Variants in PUM3 observed in about 807,000 individuals in gnomAD.
PUM3 encodes the protein pumilio homolog 3.
Under a neutral mutation model 84.0 loss-of-function variants are expected in PUM3, and 91 were observed. That is an observed-to-expected ratio of 1.08 (90% CI 0.91 to 1.29). The LOEUF (loss-of-function observed/expected upper bound fraction) is 1.29, where lower values mean the gene tolerates loss of function less well. Among genes scored for constraint, PUM3 ranks in the 50% most tolerant of loss-of-function variants. PUM3 has a pLI of 0.00. For synonymous variants in PUM3, 321 were observed against 266.7 expected (o/e 1.20, Z -1.98); for missense variants, 1,067 against 767.5 (o/e 1.39, Z -4.61).
intron 8 of PUM3, among the ~76,000 whole-genome samples, 157 bp from the exon 9 acceptor site, chr9:2,828,935 A>C (rs1815899456): frequency 6.6e-6 from 1 of 152,248 alleles, no homozygotes; most frequent in Non-Finnish European, 1.5e-5. Flanking sequence ...CTTGTGGAGT[A>C]ACCTGATTAG....
chr9:2,821,400 C>T (rs1450252277), intron 12 of PUM3, among the ~76,000 whole-genome samples: 2 of 137,678 alleles, frequency 1.5e-5, no homozygotes, highest in South Asian at 2.4e-4. Context: ...GCCCAGATCG[C>T]GCCACGGCAC....
At chr9:2,828,586 A>C in intron 9 of PUM3, 89 bp downstream of exon 9, 3 of 771,592 alleles carry the variant, frequency 3.9e-6, no homozygotes, top group Non-Finnish European at 6.7e-6. Flanking sequence ...GTAAGCAGGA[A>C]ATAGCTACCT....
chr9:2,805,939 C>T (rs923252905), intron 17 of PUM3, among the ~76,000 whole-genome samples: 2 of 152,136 alleles, frequency 1.3e-5, no homozygotes, highest in African/African-American at 4.8e-5. Flanking sequence ...ACTTTTCAGC[C>T]AACATACAAG....
chr9:2,825,809 A>T (rs955238270), intron 10 of PUM3, among the ~76,000 whole-genome samples: 1 of 152,138 alleles, frequency 6.6e-6, no homozygotes, highest in Non-Finnish European at 1.5e-5. Context: ...GGCATGTAGG[A>T]TGTAAATGAG....
In PUM3 at chr9:2,831,235, A is replaced by C. The variant is rs746769439; in HGVS notation, c.610+16T>G. ...TATTGCAAATGATAACATAATCTTT[A>C]GTATGTAATAAATACCTCGCAATTC... On this transcript the variant is annotated intron_variant, in intron 6 of 17. Coordinates refer to ENST00000397885, the MANE Select transcript of PUM3 (RefSeq NM_014878.5). 1.4e-6 allele frequency: 2 copies of C among 1,462,512 alleles called. No individual in the cohort carries two copies. Among genetic ancestry groups the C allele is most frequent in the Non-Finnish European group, 1.9e-6 (2 of 1,048,406 alleles). 90.6% of individuals were successfully genotyped at this position (1,462,512 alleles called of 1,614,324 possible).
intron 13 of PUM3, among the ~76,000 whole-genome samples, chr9:2,816,638 T>C (rs1448369616): frequency 6.6e-6 from 1 of 152,186 alleles, no homozygotes; most frequent in Non-Finnish European, 1.5e-5. Context: ...CGCCATTTCC[T>C]ACAGTCCCTC....
At chr9:2,826,749 T>G (rs1273200733) in intron 10 of PUM3, among the ~76,000 whole-genome samples, 4 of 152,172 alleles carry the variant, frequency 2.6e-5, no homozygotes. Context: ...CACAGTTGAA[T>G]TTAAAACTAT....
At chr9:2,827,004 G>A in intron 10 of PUM3, 69 bp downstream of exon 10, 1 of 1,175,578 alleles carries the variant, frequency 8.5e-7, no homozygotes, top group Non-Finnish European at 1.2e-6. Flanking sequence ...GTACATCAAA[G>A]CAGTTTTTCA....
chr9:2,808,221 T>C (rs1174404454), intron 16 of PUM3, among the ~76,000 whole-genome samples: 1 of 152,236 alleles, frequency 6.6e-6, no homozygotes, highest in Non-Finnish European at 1.5e-5. Flanking sequence ...TGATTTAACT[T>C]TGACCTGAAA....
intron 13 of PUM3, among the ~76,000 whole-genome samples, chr9:2,817,056 T>A (rs968377087): frequency 6.6e-6 from 1 of 152,222 alleles, no homozygotes; most frequent in African/African-American, 2.4e-5. Flanking sequence ...TGCAGCAAAT[T>A]TGGCAGCCCA....
chr9:2,805,137 T>G (rs1298053048), intron 17 of PUM3, among the ~76,000 whole-genome samples: 1 of 152,180 alleles, frequency 6.6e-6, no homozygotes, highest in Admixed American at 6.5e-5. Context: ...GAGTCCACCT[T>G]CCACCTCACA....
chr9:2,818,913 CAA>C (rs1192839672), intron 13 of PUM3, among the ~76,000 whole-genome samples: 1 of 152,208 alleles, frequency 6.6e-6, no homozygotes. Flanking sequence ...CAGGAGGCTA[CAA>C]AGAGAGACCA....
At chr9:2,824,288 T>C (rs1444107572) in intron 11 of PUM3, among the ~76,000 whole-genome samples, 1 of 152,198 alleles carries the variant, frequency 6.6e-6, no homozygotes, top group Admixed American at 6.5e-5. Flanking sequence ...TCTGTTAAAC[T>C]TCTGTGATTA....
intron 3 of PUM3, among the ~76,000 whole-genome samples, chr9:2,835,625 T>C (rs769716980): frequency 1.2e-4 from 18 of 152,186 alleles, no homozygotes; most frequent in Non-Finnish European, 2.4e-4. Flanking sequence ...TACCATTATA[T>C]TAATATGGTA....
intron 1 of PUM3, 53 bp from the exon 2 acceptor site, chr9:2,838,570 A>G: frequency 1.8e-6 from 2 of 1,089,084 alleles, no homozygotes; most frequent in Non-Finnish European, 1.4e-6. Flanking sequence ...TCTTCATCAA[A>G]TAAGAGCTGT....
At position 2,824,886 on chromosome 9, in the gene PUM3, C is replaced by T. The variant is rs910145767; in HGVS notation, c.1036-71G>A. On this transcript the variant is annotated intron_variant, in intron 10 of 17. Transcript: ENST00000397885. ...TCTTTCTACTGTTTTATCTGTCTGT[C>T]TACAGGGGGCAGTTATGCAGAGAGA... is the stretch of plus-strand genomic sequence containing the variant. The T allele has an allele frequency of 1.5e-5, 16 of 1,050,946 alleles. 1 individual carries two copies. Among genetic ancestry groups the T allele is most frequent in the Non-Finnish European group, 2.1e-5 (16 of 763,140 alleles). The allele number at this position is 1,050,946 out of a possible 1,614,324, so 65.1% of individuals were successfully genotyped here.
chr9:2,840,459 G>A (rs567556877), intron 1 of PUM3, among the ~76,000 whole-genome samples: 2 of 152,316 alleles, frequency 1.3e-5, no homozygotes, highest in African/African-American at 4.8e-5. Context: ...GCTAACTTTA[G>A]CATTTGTCGG....
chr9:2,815,373 G>T (rs889373697), intron 13 of PUM3, among the ~76,000 whole-genome samples: 1 of 152,122 alleles, frequency 6.6e-6, no homozygotes, highest in Non-Finnish European at 1.5e-5. Context: ...TTGGGTTACA[G>T]AGAAAATGGG....
At chr9:2,809,338 C>G (rs1319576860) in intron 16 of PUM3, among the ~76,000 whole-genome samples, 2 of 152,202 alleles carry the variant, frequency 1.3e-5, no homozygotes, top group Non-Finnish European at 2.9e-5. Context: ...AGAAAAACCA[C>G]TGGACATTAA....
Sources: gnomAD v4.1 joint callset for allele counts (sites outside exome capture counted in the v4.1 genomes callset) on GRCh38, gnomAD v4.1.1 for gene constraint, MANE v1.5 for transcripts, NCBI Gene and HGNC (gene_info 2026-07-23, HGNC 2026-07-21) for gene names.